The following PIEZO2 variants were observed in gnomAD, a reference collection of about 807,000 sequenced individuals.
The protein encoded by PIEZO2 is piezo-type mechanosensitive ion channel component 2.
A neutral mutation model predicts 337.3 loss-of-function variants in PIEZO2; 172 were observed. The observed-to-expected ratio is 0.51, with a 90% confidence interval of 0.45 to 0.58. PIEZO2 has a LOEUF of 0.58. PIEZO2 is among the 20% of genes least tolerant of loss of function. The pLI, the probability that PIEZO2 is intolerant of heterozygous loss-of-function variation, is 0.00. For synonymous variants in PIEZO2, 1,251 were observed against 1,228.5 expected (o/e 1.02, Z -0.38); for missense variants, 3,028 against 3,391.3 (o/e 0.89, Z 2.66).
intron 1 of PIEZO2, among the ~76,000 whole-genome samples, chr18:11,088,902 G>A (rs921369620): frequency 6.6e-6 from 1 of 152,200 alleles, no homozygotes; most frequent in Admixed American, 6.5e-5. Flanking sequence ...GACTGAGACT[G>A]GGGATGAAGA....
chr18:10,740,075 T>C (rs1275042379), intron 33 of PIEZO2: 2 of 116,644 alleles, frequency 1.7e-5, no homozygotes, highest in Non-Finnish European at 3.6e-5. Flanking sequence ...GCTGCAAGTA[T>C]GGAGACATCA....
At chr18:10,753,573 C>T (rs1363262393) in intron 27 of PIEZO2, among the ~76,000 whole-genome samples, 1 of 152,186 alleles carries the variant, frequency 6.6e-6, no homozygotes, top group African/African-American at 2.4e-5. Flanking sequence ...GTCCCAACTG[C>T]ATTTCTTGAT....
At chr18:10,714,646 T>G in intron 39 of PIEZO2, 118 bp downstream of exon 39, 2 of 1,126,196 alleles carry the variant, frequency 1.8e-6, no homozygotes, top group Non-Finnish European at 2.5e-6. Flanking sequence ...TGGAAGAGGG[T>G]GGGGGTCCAT....
chr18:10,971,577 C>T (rs781650703), intron 3 of PIEZO2, among the ~76,000 whole-genome samples: 3 of 152,126 alleles, frequency 2.0e-5, no homozygotes, highest in Non-Finnish European at 2.9e-5. Flanking sequence ...GCAGTCCCGA[C>T]TGTCCCCATG....
In PIEZO2 at chr18:10,704,417, T is replaced by C; in HGVS notation, c.6235A>G (p.Met2079Val). 6.5e-7 allele frequency: 1 copy of C among 1,537,114 alleles called. No individual in the cohort carries two copies. The highest frequency in any genetic ancestry group is 8.7e-7 in the Non-Finnish European group (1 of 1,146,884). ...ACCTCAGTATAGACGATGGCCATCA[T>C]CCAGAACCGGCGGCTGGGCCTGGGG... The part of the protein sequence containing the change: ...SVPRPSRRFW[M>V]MAIVYTEVAI... Residue 2079 changes from methionine (M) to valine (V), a missense_variant, in exon 42 of 56, where the codon ATG becomes GTG. This residue lies in a region of PIEZO2 where 1,925 missense variants were observed against 2,051.9 expected (regional missense o/e 0.94). Transcript: ENST00000674853.
At chr18:10,905,168 T>C (rs2043144026) in intron 4 of PIEZO2, among the ~76,000 whole-genome samples, 1 of 152,194 alleles carries the variant, frequency 6.6e-6, no homozygotes, top group South Asian at 2.1e-4. Context: ...ACATACAGTC[T>C]GAAAGAATTA....
rs2035547043 is a variant in PIEZO2 at position 10,705,580 on chromosome 18, C to T, written c.5755G>A (p.Glu1919Lys). Reference protein sequence around the residue: ...GYDVGAMGAEEASLTPEEELT... With the variant: ...GYDVGAMGAEKASLTPEEELT... ...TCTTCCTCTGGGGTGAGGCTGGCCT[C>T]CTCGGCACCCATGGCTCCCACATCG... The change falls in exon 41 of 56, where the codon GAG becomes AAG. Residue 1919 changes from glutamate to lysine, a missense_variant. Glu to Lys is a moderately conservative substitution (Grantham distance 56, BLOSUM62 1). Coordinates refer to ENST00000674853, the MANE Select transcript of PIEZO2 (RefSeq NM_001378183.1). The T allele has an allele frequency of 2.0e-6, 3 of 1,537,088 alleles. No individual in the cohort carries two copies. In the African/African-American group the frequency reaches 4.1e-5, roughly 21 times the overall value.
chr18:10,742,370 T>C, intron 32 of PIEZO2, 124 bp downstream of exon 32: 2 of 1,132,696 alleles, frequency 1.8e-6, no homozygotes, highest in Non-Finnish European at 2.5e-6. Flanking sequence ...TAAAGCTCGC[T>C]GAATCAAAAA....
chr18:10,723,190 C>A (rs1195873051), intron 36 of PIEZO2, among the ~76,000 whole-genome samples: 1 of 151,992 alleles, frequency 6.6e-6, no homozygotes, highest in Non-Finnish European at 1.5e-5. Flanking sequence ...TTGTCTCAAA[C>A]TCCCGACCTC....
chr18:10,823,197 G>T (rs764050586), intron 7 of PIEZO2, among the ~76,000 whole-genome samples: 9 of 150,698 alleles, frequency 6.0e-5, no homozygotes, highest in Non-Finnish European at 1.5e-5. Context: ...AGACAGAAAA[G>T]ATTCTTTTTA....
intron 2 of PIEZO2, among the ~76,000 whole-genome samples, chr18:11,015,294 GC>G (rs2036077691): frequency 6.6e-6 from 1 of 151,892 alleles, no homozygotes; most frequent in Non-Finnish European, 1.5e-5. Context: ...TCAATGTGGG[GC>G]ACTTCACCCA....
chr18:10,972,046 A>G (rs547006752), intron 3 of PIEZO2, among the ~76,000 whole-genome samples: 1 of 152,176 alleles, frequency 6.6e-6, no homozygotes, highest in African/African-American at 2.4e-5. Flanking sequence ...TGATCCCAGC[A>G]CTTTGGGAGG....
rs2039499853 is a variant in PIEZO2 at position 10,794,165 on chromosome 18, G to GT, written c.1758+606dup. ...TGCCATTCTGTTAACAAAACAAACA[G>GT]TAAGTTGGGAAACCTAATCTTTTGA... On this transcript the variant is annotated intron_variant, in intron 13 of 55. Coordinates refer to ENST00000674853, the MANE Select transcript of PIEZO2 (RefSeq NM_001378183.1). This position sits in a 1 kb window ranked among gnomAD's most constrained non-coding sequence, Gnocchi z 6.6. Among the ~76,000 whole-genome samples, 1 of 152,104 alleles carries GT rather than the reference G, an allele frequency of 6.6e-6. No homozygotes were observed. The highest frequency in any genetic ancestry group is 1.9e-4 in the East Asian group (1 of 5,194).
intron 36 of PIEZO2, among the ~76,000 whole-genome samples, chr18:10,725,673 C>T (rs2036506358): frequency 6.6e-6 from 1 of 152,234 alleles, no homozygotes; most frequent in Admixed American, 6.5e-5. Flanking sequence ...TCGCCTTCAT[C>T]TCTTGGTCCT....
At chr18:11,141,448 G>C (rs1371960601) in intron 1 of PIEZO2, among the ~76,000 whole-genome samples, 4 of 152,216 alleles carry the variant, frequency 2.6e-5, no homozygotes, top group African/African-American at 9.6e-5. Context: ...AAGATGGAAT[G>C]AGTCCAAGAG....
chr18:10,746,953 C>T lies in PIEZO2; in HGVS notation c.4424+1518G>A, dbSNP rs1051351648. On this transcript the variant is annotated intron_variant, in intron 30 of 55. Coordinates refer to ENST00000674853, the MANE Select transcript of PIEZO2 (RefSeq NM_001378183.1). The surrounding 1 kb of genome is among the most constrained non-coding windows in gnomAD (Gnocchi z 4.2). Reference sequence around the variant, plus strand: ...GTGTACTGTAGTAGAATTGCTTGCTCATGTGCCACTTTCCTGCTACTCTGT... The same window carrying T: ...GTGTACTGTAGTAGAATTGCTTGCTTATGTGCCACTTTCCTGCTACTCTGT... 6.6e-6 allele frequency among the ~76,000 whole-genome samples: 1 copy of T among 152,186 alleles called. No homozygotes were observed.
rs1480682157 is a variant in PIEZO2, at chr18:10,821,735, C to A, written c.918-14461G>T. ...CAGCACCATCCTGCGCCCTCCCTGT[C>A]TCTCACCATTTACAACATAGACCTC... On this transcript the variant is annotated intron_variant, in intron 7 of 55. Coordinates refer to ENST00000674853, the MANE Select transcript of PIEZO2 (RefSeq NM_001378183.1). This position sits in a 1 kb window ranked among gnomAD's most constrained non-coding sequence, Gnocchi z 4.2. Among the ~76,000 whole-genome samples the A allele has an allele frequency of 6.6e-6, 1 of 152,148 alleles. No homozygotes were observed. The highest frequency in any genetic ancestry group is 1.9e-4 in the East Asian group (1 of 5,198).
chr18:10,744,597 A>T (rs1463438401), intron 30 of PIEZO2, among the ~76,000 whole-genome samples: 1 of 152,210 alleles, frequency 6.6e-6, no homozygotes, highest in Non-Finnish European at 1.5e-5. Context: ...TTATACCAAG[A>T]GGAGAAATTT....
chr18:10,966,321 A>G (rs925577508), intron 3 of PIEZO2, among the ~76,000 whole-genome samples: 2 of 152,166 alleles, frequency 1.3e-5, no homozygotes, highest in Admixed American at 1.3e-4. Flanking sequence ...TCTCTGCTAC[A>G]TCATCGCCAC....
Sources: allele counts gnomAD v4.1 joint callset (sites outside exome capture counted in the v4.1 genomes callset), GRCh38; gene constraint gnomAD v4.1.1; regional missense constraint gnomAD v4.1.1; non-coding constraint Gnocchi (gnomAD v3.1); transcripts MANE v1.5; gene names NCBI Gene and HGNC (gene_info 2026-07-23, HGNC 2026-07-21).